WWTR1: variants seen among roughly 807,000 people sequenced by gnomAD.
WWTR1 encodes WW domain containing transcription regulator 1.
WWTR1 carries 13 observed loss-of-function variants against 40.1 expected under a neutral mutation model. That is an observed-to-expected ratio of 0.32 (90% CI 0.21 to 0.52). The LOEUF is 0.52. Ranked by LOEUF, WWTR1 falls within the 20% of genes least tolerant of loss-of-function variation. The pLI, the probability that WWTR1 is intolerant of heterozygous loss-of-function variation, is 0.97. For synonymous variants in WWTR1, 230 were observed against 210.1 expected (o/e 1.09, Z -0.82); for missense variants, 436 against 523.1 (o/e 0.83, Z 1.63).
At chr3:149,607,618 C>A (rs1030107283) in intron 2 of WWTR1, among the ~76,000 whole-genome samples, 2 of 152,110 alleles carry the variant, frequency 1.3e-5, no homozygotes, top group Non-Finnish European at 2.9e-5. Context: ...CCAGCCTTGA[C>A]GTAGTGATTT....
chr3:149,636,747 A>G (rs538199459), intron 2 of WWTR1, among the ~76,000 whole-genome samples: 26 of 152,248 alleles, frequency 1.7e-4, no homozygotes, highest in African/African-American at 5.5e-4. Context: ...CTTTCAGCAA[A>G]AGTTAAATGA....
At chr3:149,642,698 C>T (rs1712249199) in intron 2 of WWTR1, among the ~76,000 whole-genome samples, 1 of 151,708 alleles carries the variant, frequency 6.6e-6, no homozygotes, top group Non-Finnish European at 1.5e-5. Context: ...TGGCCGGAAC[C>T]CGGGAGGCGG....
At chr3:149,565,352 C>T (rs957850066) in intron 3 of WWTR1, among the ~76,000 whole-genome samples, 2 of 150,938 alleles carry the variant, frequency 1.3e-5, no homozygotes, top group Non-Finnish European at 2.9e-5. Context: ...TTTTTCATGG[C>T]TTTTATTATT....
rs556562606 is a variant in WWTR1, at chr3:149,686,707, T to A, written c.-108+16417A>T. 7.2e-5 allele frequency among the ~76,000 whole-genome samples: 11 copies of A among 152,226 alleles called. 1 individual carries two copies. In the South Asian group the frequency reaches 2.3e-3, roughly 32 times the overall value. ...AGACTATCAGGATTTACCCCTGAGCTAGGAATAGGGTCATATTCCCTGAGG... is the reference window on the plus strand; with the variant it reads ...AGACTATCAGGATTTACCCCTGAGCAAGGAATAGGGTCATATTCCCTGAGG... On this transcript the variant is annotated intron_variant, in intron 1 of 7. Coordinates refer to the WWTR1 transcript ENST00000465804.
intron 2 of WWTR1, among the ~76,000 whole-genome samples, chr3:149,588,741 A>G (rs1382794841): frequency 6.6e-6 from 1 of 152,200 alleles, no homozygotes; most frequent in African/African-American, 2.4e-5. Flanking sequence ...TCCCCCCAAA[A>G]TGAACCCATT....
In WWTR1 at chr3:149,596,008, C is replaced by T. The variant is rs1277144064; in HGVS notation, c.432-23008G>A. ...AGATCACCACATCACTGCACTCCAG[C>T]CTGGGCAACATGGTGAGATTCCATC... is the stretch of plus-strand genomic sequence containing the variant. On this transcript the variant is annotated intron_variant, in intron 2 of 6. Transcript: ENST00000360632. 2.0e-5 allele frequency among the ~76,000 whole-genome samples: 3 copies of T among 152,140 alleles called. No individual in the cohort carries two copies. The South Asian group carries it at 6.3e-4, about 32-fold the overall frequency.
In WWTR1 at chr3:149,657,322, G is replaced by C. The variant is rs368899384; in HGVS notation, c.-3-13C>G. 126 of 1,601,738 alleles carry C rather than the reference G, an allele frequency of 7.9e-5. No individual in the cohort carries two copies. In the African/African-American group the frequency reaches 1.6e-3, roughly 20 times the overall value. ...CCGGATTCATCTTCTGCAAAAAGAA[G>C]GTCAGATCAGCCTTTTATTTAAAGT... On this transcript the variant is annotated splice_polypyrimidine_tract_variant and intron_variant, in intron 1 of 6. Coordinates refer to ENST00000360632, the MANE Select transcript of WWTR1 (RefSeq NM_015472.6).
At chr3:149,650,990 G>A (rs1712832779) in intron 2 of WWTR1, among the ~76,000 whole-genome samples, 1 of 152,202 alleles carries the variant, frequency 6.6e-6, no homozygotes, top group Admixed American at 6.5e-5. Flanking sequence ...TGTGTTGGGA[G>A]AGAGAGAAGA....
chr3:149,524,206 A>G (rs957090583), intron 6 of WWTR1, among the ~76,000 whole-genome samples: 2 of 152,164 alleles, frequency 1.3e-5, no homozygotes, highest in East Asian at 3.8e-4. Flanking sequence ...TGTTGGCTAA[A>G]ACTATGTTCT....
At position 149,572,927 on chromosome 3, in the gene WWTR1, G is replaced by C. The variant is rs914741890; in HGVS notation, c.505C>G (p.His169Asp). ...MNQPLNHMNL[H>D]PAVSSTPVPQ... ...ACTGGTGTGGAACTGACGGCAGGGTGGAGGTTCATATGATTCAGAGGCTGA... is the reference window on the plus strand; with the variant it reads ...ACTGGTGTGGAACTGACGGCAGGGTCGAGGTTCATATGATTCAGAGGCTGA... Residue 169 changes from histidine to aspartate, a missense_variant, in exon 3 of 7, where the codon CAC (histidine) becomes GAC (aspartate). Physicochemically the swap from His to Asp is moderately conservative, Grantham distance 81. Transcript: ENST00000360632. 6.2e-7 allele frequency: 1 copy of C among 1,613,790 alleles called. No individual in the cohort carries two copies. Among genetic ancestry groups the C allele is most frequent in the African/African-American group, 1.3e-5 (1 of 74,858 alleles).
At chr3:149,674,701 G>T (rs1714204350) in intron 1 of WWTR1, among the ~76,000 whole-genome samples, 1 of 152,140 alleles carries the variant, frequency 6.6e-6, no homozygotes, top group Admixed American at 6.5e-5. Flanking sequence ...ACTTAACTTA[G>T]CTTGAAGATT....
intron 3 of WWTR1, among the ~76,000 whole-genome samples, chr3:149,564,354 C>A (rs1737211963): frequency 6.6e-6 from 1 of 152,224 alleles, no homozygotes; most frequent in African/African-American, 2.4e-5. Context: ...CACAGGCAGA[C>A]TTGCTCAACT....
chr3:149,566,964 A>T (rs1737356150), intron 3 of WWTR1, among the ~76,000 whole-genome samples: 1 of 152,162 alleles, frequency 6.6e-6, no homozygotes, highest in Admixed American at 6.6e-5. Context: ...AACTTTAAAA[A>T]TTTCCTATAG....
chr3:149,630,523 T>G (rs966331095), intron 2 of WWTR1, among the ~76,000 whole-genome samples: 1 of 152,202 alleles, frequency 6.6e-6, no homozygotes, highest in African/African-American at 2.4e-5. Context: ...TTGCCTTTCC[T>G]GCAGACCAGC....
In WWTR1 at chr3:149,566,807, G is replaced by A. The variant is rs372560904; in HGVS notation, c.568+6057C>T. 1.1e-3 allele frequency among the ~76,000 whole-genome samples: 146 copies of A among 133,146 alleles called. 1 individual carries two copies. Among genetic ancestry groups the A allele is most frequent in the African/African-American group, 3.8e-3 (130 of 34,200 alleles). The allele number at this position is 133,146 out of a possible 152,430, so 87.3% of individuals were successfully genotyped here. ...CATCTTGTCTTGAAAAGTATGCCCT[G>A]AAAAGAAAAAAAAAAAAAAACACAC... On this transcript the variant is annotated intron_variant, in intron 3 of 6. Transcript: ENST00000360632.
intron 3 of WWTR1, among the ~76,000 whole-genome samples, chr3:149,552,845 C>G (rs1280481894): frequency 6.6e-6 from 1 of 152,172 alleles, no homozygotes; most frequent in Non-Finnish European, 1.5e-5. Context: ...TCCTTATGTC[C>G]CAGGGTTCTT....
rs559176873 is a variant in WWTR1, at chr3:149,574,473, G to A, written c.432-1473C>T. ...AGGCCCCCACCATTGACCTTCCTTAGACATACAACAAAAGGAGCATGATTG... is the reference window on the plus strand; with the variant it reads ...AGGCCCCCACCATTGACCTTCCTTAAACATACAACAAAAGGAGCATGATTG... On this transcript the variant is annotated intron_variant, in intron 2 of 6. Coordinates refer to ENST00000360632, the MANE Select transcript of WWTR1 (RefSeq NM_015472.6). Among the ~76,000 whole-genome samples the A allele has an allele frequency of 2.6e-5, 4 of 152,274 alleles. No homozygotes were observed. The East Asian group carries it at 7.7e-4, about 29-fold the overall frequency.
intron 2 of WWTR1, among the ~76,000 whole-genome samples, chr3:149,579,337 ATG>A (rs1738035730): frequency 6.6e-6 from 1 of 152,174 alleles, no homozygotes; most frequent in Non-Finnish European, 1.5e-5. Flanking sequence ...AACCACACCA[ATG>A]AGATGAGAAT....
chr3:149,596,770 C>T (rs1397875965), intron 2 of WWTR1, among the ~76,000 whole-genome samples: 1 of 152,232 alleles, frequency 6.6e-6, no homozygotes, highest in Non-Finnish European at 1.5e-5. Flanking sequence ...GGATAAGCTA[C>T]TGTGCTTCTA....
Sources: gnomAD v4.1 joint callset for allele counts (sites outside exome capture counted in the v4.1 genomes callset) on GRCh38, gnomAD v4.1.1 for gene constraint, MANE v1.5 for transcripts, NCBI Gene and HGNC (gene_info 2026-07-23, HGNC 2026-07-21) for gene names.